The following DLG2 variants were observed in gnomAD, a reference collection of about 807,000 sequenced individuals.
The protein encoded by DLG2 is discs large MAGUK scaffold protein 2, also known as disks large homolog 2.
In DLG2, 45 loss-of-function variants were observed where a neutral mutation model predicts 132.5. The ratio of observed to expected loss-of-function variants is 0.34; its 90% CI spans 0.27 to 0.44. DLG2 has a LOEUF of 0.44. DLG2 is among the 20% of genes least tolerant of loss of function. DLG2 has a pLI of 1.00. For missense variants in DLG2, 1,045 were observed against 1,196.9 expected (o/e 0.87, Z 1.87); for synonymous variants, 424 against 419.6 (o/e 1.01, Z -0.13).
intron 3 of DLG2, among the ~76,000 whole-genome samples, chr11:85,552,806 T>G (rs1426955375): frequency 6.6e-6 from 1 of 151,382 alleles, no homozygotes; most frequent in African/African-American, 2.4e-5. Context: ...GAAACATTCA[T>G]CTATCTATTT....
intron 3 of DLG2, among the ~76,000 whole-genome samples, chr11:85,567,009 C>G (rs2077566679): frequency 6.6e-6 from 1 of 152,170 alleles, no homozygotes; most frequent in Non-Finnish European, 1.5e-5. Context: ...TCTGGACTCT[C>G]AATTCTATTC....
intron 6 of DLG2, among the ~76,000 whole-genome samples, chr11:84,869,761 G>A (rs542584577): frequency 1.3e-5 from 2 of 152,298 alleles, no homozygotes; most frequent in East Asian, 3.9e-4. Context: ...GAACTTCAGA[G>A]CCCAGTACCA....
At chr11:83,987,720 G>A (rs1199554325) in intron 11 of DLG2, among the ~76,000 whole-genome samples, 2 of 152,018 alleles carry the variant, frequency 1.3e-5, no homozygotes, top group Admixed American at 6.6e-5. Flanking sequence ...AGACTTAAAC[G>A]TTAGACCTAA....
At chr11:85,273,940 T>G (rs978716589) in intron 4 of DLG2, among the ~76,000 whole-genome samples, 4 of 151,598 alleles carry the variant, frequency 2.6e-5, no homozygotes, top group Non-Finnish European at 1.5e-5. Context: ...AAAGAATGAG[T>G]TCATGTTCTT....
At chr11:84,718,279 T>C (rs1200990406) in intron 6 of DLG2, among the ~76,000 whole-genome samples, 1 of 152,114 alleles carries the variant, frequency 6.6e-6, no homozygotes, top group Non-Finnish European at 1.5e-5. Context: ...AATTTATTTT[T>C]CAAAAAACGA....
At chr11:85,203,296 CAAAAA>C (rs1374075370) in intron 4 of DLG2, among the ~76,000 whole-genome samples, 1 of 150,380 alleles carries the variant, frequency 6.6e-6, no homozygotes, top group Non-Finnish European at 1.5e-5. Flanking sequence ...TAGATTAAGA[CAAAAA>C]AAGAGAAGAG....
At chr11:83,952,269 C>T (rs1425981931) in intron 14 of DLG2, among the ~76,000 whole-genome samples, 3 of 152,048 alleles carry the variant, frequency 2.0e-5, no homozygotes, top group Non-Finnish European at 4.4e-5. Context: ...TTGCTTGAGC[C>T]CCAGGAGGCT....
chr11:84,659,488 T>C (rs941150298), intron 6 of DLG2, among the ~76,000 whole-genome samples: 2 of 152,156 alleles, frequency 1.3e-5, no homozygotes, highest in Non-Finnish European at 1.5e-5. Flanking sequence ...TGCTAGAAGC[T>C]CTACTATCTC....
At chr11:85,417,846 G>C (rs1049767120) in intron 3 of DLG2, among the ~76,000 whole-genome samples, 2 of 151,544 alleles carry the variant, frequency 1.3e-5, no homozygotes, top group African/African-American at 4.8e-5. Flanking sequence ...TTCTTTATTA[G>C]TCTGGCTAGC....
rs2098649683 is a variant in DLG2, at chr11:84,361,530, T to A, written c.520-110239A>T. 3.3e-5 allele frequency among the ~76,000 whole-genome samples: 5 copies of A among 152,056 alleles called. No individual in the cohort carries two copies. In the South Asian group the frequency reaches 1.0e-3, roughly 32 times the overall value. ...TTATAATATTCATTGCCAGCAAATC[T>A]GTACCACAATAAAGGTCAAAGGAAG... On this transcript the variant is annotated intron_variant, in intron 7 of 27. Transcript: ENST00000376104.
chr11:84,863,419 C>T (rs371060294), intron 6 of DLG2, among the ~76,000 whole-genome samples: 7 of 152,194 alleles, frequency 4.6e-5, no homozygotes, highest in African/African-American at 1.7e-4. Flanking sequence ...ATGCGCTTTT[C>T]CTTATCCTGT....
At chr11:84,677,576 T>G in intron 6 of DLG2, among the ~76,000 whole-genome samples, 1 of 152,152 alleles carries the variant, frequency 6.6e-6, no homozygotes, top group East Asian at 1.9e-4. Context: ...TACAAAACAC[T>G]ATATCAGTTC....
At chr11:83,721,296 T>A (rs2153684857) in intron 18 of DLG2, among the ~76,000 whole-genome samples, 1 of 152,304 alleles carries the variant, frequency 6.6e-6, no homozygotes, top group African/African-American at 2.4e-5. Flanking sequence ...ATTTGCATGG[T>A]TCCAATATGC....
At chr11:84,226,943 G>T (rs1182095120) in intron 8 of DLG2, among the ~76,000 whole-genome samples, 1 of 151,954 alleles carries the variant, frequency 6.6e-6, no homozygotes, top group Admixed American at 6.6e-5. Flanking sequence ...AAAATTAGCT[G>T]GGTGTGGTGG....
At chr11:84,244,764 G>A (rs898295785) in intron 8 of DLG2, among the ~76,000 whole-genome samples, 2 of 152,270 alleles carry the variant, frequency 1.3e-5, no homozygotes, top group African/African-American at 4.8e-5. Context: ...AAGAAAGCAT[G>A]TTTGTTGAAA....
chr11:85,207,611 A>C (rs755523099), intron 4 of DLG2, among the ~76,000 whole-genome samples: 18 of 152,138 alleles, frequency 1.2e-4, no homozygotes, highest in Non-Finnish European at 2.5e-4. Context: ...CATGTGTCAA[A>C]TTTTATTTAA....
chr11:85,046,502 T>TA (rs1379008297), intron 6 of DLG2, among the ~76,000 whole-genome samples: 1 of 151,908 alleles, frequency 6.6e-6, no homozygotes, highest in Non-Finnish European at 1.5e-5. Flanking sequence ...TTTATGTTTT[T>TA]ATCTTTCTGC....
At chr11:84,702,519 T>C (rs942517530) in intron 6 of DLG2, among the ~76,000 whole-genome samples, 2 of 151,688 alleles carry the variant, frequency 1.3e-5, no homozygotes, top group Non-Finnish European at 3.0e-5. Flanking sequence ...GATTCTTTTG[T>C]TTTCCCCTTC....
chr11:83,544,581 T>G (rs1373083808), intron 19 of DLG2, among the ~76,000 whole-genome samples: 5 of 152,106 alleles, frequency 3.3e-5, no homozygotes, highest in Non-Finnish European at 7.4e-5. Context: ...CTCTTCACCT[T>G]GCCCCCTCAT....
Sources: gnomAD v4.1 joint callset for allele counts (sites outside exome capture counted in the v4.1 genomes callset) on GRCh38, gnomAD v4.1.1 for gene constraint, MANE v1.5 for transcripts, NCBI Gene and HGNC (gene_info 2026-07-23, HGNC 2026-07-21) for gene names.